HM13: variants seen among roughly 807,000 people sequenced by gnomAD.
HM13 encodes signal peptide peptidase.
In HM13, 18 loss-of-function variants were observed where a neutral mutation model predicts 50.0. That is an observed-to-expected ratio of 0.36 (90% CI 0.25 to 0.53). The LOEUF (loss-of-function observed/expected upper bound fraction) is 0.53. HM13 is among the 20% of genes least tolerant of loss of function. The pLI, the probability that HM13 is intolerant of heterozygous loss-of-function variation, is 0.90. For synonymous variants in HM13, 197 were observed against 232.6 expected, an observed-to-expected ratio of 0.85 and a Z score of 1.39; for missense variants, 393 against 552.4, an observed-to-expected ratio of 0.71 and a Z score of 2.89.
rs533936177 is a variant in HM13 at position 31,545,612 on chromosome 20, T to TA, written c.454+584dup. On this transcript the variant is annotated intron_variant, in intron 4 of 12. Transcript: ENST00000398174. ...AGACCTCATCTCTACAAAAAAATTG[T>TA]AAAAAAATGCAAACTATGGGGAAGT... Among the ~76,000 whole-genome samples the TA allele has an allele frequency of 5.2e-4, 79 of 152,260 alleles. 2 individuals are homozygous for TA. In the South Asian group the frequency reaches 0.013, roughly 25 times the overall value.
intron 8 of HM13, among the ~76,000 whole-genome samples, chr20:31,559,285 G>A (rs951796787): frequency 1.3e-5 from 2 of 152,164 alleles, no homozygotes; most frequent in Non-Finnish European, 2.9e-5. Flanking sequence ...TGTGGGAGCA[G>A]CGATTTTGCC....
At chr20:31,547,269 G>A (rs979504173) in intron 4 of HM13, 2 of 225,006 alleles carry the variant, frequency 8.9e-6, no homozygotes, top group Non-Finnish European at 1.7e-5. Flanking sequence ...AGAGGAATCA[G>A]CAGTCGAAGG....
intron 8 of HM13, among the ~76,000 whole-genome samples, chr20:31,555,227 C>T (rs1984244965): frequency 6.6e-6 from 1 of 152,232 alleles, no homozygotes; most frequent in Non-Finnish European, 1.5e-5. Flanking sequence ...CCAGCATCTG[C>T]AAGCATCACA....
intron 3 of HM13, chr20:31,539,076 T>C: frequency 5.1e-6 from 5 of 985,434 alleles, no homozygotes; most frequent in Non-Finnish European, 6.0e-6. Flanking sequence ...TTCCCACTGC[T>C]ACCCTAACTC....
chr20:31,565,374 G>A (rs1984848635), intron 10 of HM13, among the ~76,000 whole-genome samples: 1 of 151,510 alleles, frequency 6.6e-6, no homozygotes, highest in African/African-American at 2.4e-5. Flanking sequence ...AGCTACTCAG[G>A]AGGCTGAGGC....
At chr20:31,539,010 C>T in intron 3 of HM13, 1 of 907,410 alleles carries the variant, frequency 1.1e-6, no homozygotes, top group Non-Finnish European at 1.3e-6. Context: ...GATCACACCA[C>T]TAATAAGCAA....
At chr20:31,559,135 C>G (rs758896175) in intron 8 of HM13, among the ~76,000 whole-genome samples, 3 of 152,178 alleles carry the variant, frequency 2.0e-5, no homozygotes, top group Non-Finnish European at 2.9e-5. Flanking sequence ...CCAGGATGGT[C>G]TGGAACTCCT....
At chr20:31,540,834 C>G (rs1378062996) in intron 3 of HM13, 2 of 151,380 alleles carry the variant, frequency 1.3e-5, no homozygotes, top group African/African-American at 4.9e-5. Flanking sequence ...ACTAAAAATA[C>G]AAAAAAGTAG....
intron 8 of HM13, among the ~76,000 whole-genome samples, chr20:31,556,915 A>G (rs1984340430): frequency 6.6e-6 from 1 of 151,070 alleles, no homozygotes; most frequent in South Asian, 2.1e-4. Context: ...GCTACTCGGG[A>G]GGCTGAGGCA....
chr20:31,550,312 C>G (rs570898429), intron 7 of HM13, 191 bp downstream of exon 7: 15 of 588,892 alleles, frequency 2.5e-5, no homozygotes, highest in Non-Finnish European at 4.6e-5. Context: ...GTCCCGGCCC[C>G]TGGCCACTTG....
intron 4 of HM13, chr20:31,547,958 C>A (rs1372664242): frequency 8.7e-6 from 13 of 1,493,000 alleles, no homozygotes; most frequent in Non-Finnish European, 1.1e-5. Flanking sequence ...AAGATGTCTG[C>A]AGAAGATATT....
intron 2 of HM13, among the ~76,000 whole-genome samples, chr20:31,531,234 G>A (rs913665356): frequency 3.9e-5 from 6 of 151,992 alleles, no homozygotes; most frequent in African/African-American, 7.2e-5. Context: ...TAGTAGAGAC[G>A]GGGTTTCACC....
intron 12 of HM13, 53 bp downstream of exon 12, chr20:31,568,277 C>G: frequency 6.3e-7 from 1 of 1,591,040 alleles, no homozygotes; most frequent in Non-Finnish European, 8.6e-7. Context: ...CCCCGGGGCC[C>G]AAGGTAGGGC....
chr20:31,563,804 T>C (rs980816734), intron 10 of HM13, among the ~76,000 whole-genome samples: 4 of 151,962 alleles, frequency 2.6e-5, no homozygotes, highest in Non-Finnish European at 5.9e-5. Flanking sequence ...CGGCCAGGCG[T>C]GGTGGCTCAC....
Position 31,568,971 on chromosome 20 carries a change from GT to G in HM13, c.1182-147del, listed in dbSNP as rs1287755402. Reference sequence around the variant, plus strand: ...TGTGGTAGGGCTGGGGCCAGGCGCTGTTAGGTGCTGGGCAGTGGACACAGGG... The same window carrying G: ...TGTGGTAGGGCTGGGGCCAGGCGCTGTAGGTGCTGGGCAGTGGACACAGGG... On this transcript the variant is annotated intron_variant, in intron 12 of 12. Coordinates refer to ENST00000398174, the MANE Select transcript of HM13 (RefSeq NM_178581.3). 58 of 564,652 alleles carry G rather than the reference GT, an allele frequency of 1.0e-4. No homozygotes were observed. In the East Asian group the frequency reaches 1.7e-3, roughly 16 times the overall value. The allele number at this position is 564,652 out of a possible 1,614,324, so 35.0% of individuals were successfully genotyped here. A position where few individuals can be genotyped will look rare whatever the true frequency, so the allele number is the denominator to read the frequency against.
intron 2 of HM13, among the ~76,000 whole-genome samples, chr20:31,532,131 A>G (rs1237882768): frequency 6.6e-6 from 1 of 152,008 alleles, no homozygotes; most frequent in Non-Finnish European, 1.5e-5. Flanking sequence ...ACCTCAGGTA[A>G]AGAGCTGAAT....
rs1205647855 is a variant in HM13 at position 31,538,393 on chromosome 20, T to A, written c.365+132T>A. The A allele has an allele frequency of 9.3e-5, 144 of 1,553,062 alleles. 1 individual carries two copies. The South Asian group carries it at 1.4e-3, about 15-fold the overall frequency. ...CCTGGCTATAAAACTCAAGGGACTC[T>A]TTCCCCTGCACACTGTAGATGACTA... On this transcript the variant is annotated intron_variant, in intron 3 of 12. Coordinates refer to ENST00000398174, the MANE Select transcript of HM13 (RefSeq NM_178581.3).
intron 1 of HM13, among the ~76,000 whole-genome samples, chr20:31,525,900 T>C (rs6120618): frequency 0.31 from 46,707 of 151,944 alleles, 11,801 homozygotes; most frequent in African/African-American, 0.7. Context: ...CTAAGGCGGG[T>C]AAATCACCTG....
intron 3 of HM13, chr20:31,539,471 G>C (rs1039688471): frequency 5.0e-5 from 49 of 985,298 alleles, no homozygotes; most frequent in African/African-American, 3.5e-5. Context: ...GCACATTGAG[G>C]GCATGGGCAG....
Sources: gnomAD v4.1 joint callset for allele counts (sites outside exome capture counted in the v4.1 genomes callset) on GRCh38, gnomAD v4.1.1 for gene constraint, MANE v1.5 for transcripts, NCBI Gene and HGNC (gene_info 2026-07-23, HGNC 2026-07-21) for gene names.